Variants in SHROOM3 observed in about 807,000 individuals in gnomAD.
SHROOM3 encodes the protein shroom family member 3.
In SHROOM3, 47 loss-of-function variants were observed where a neutral mutation model predicts 138.6. The observed-to-expected ratio is 0.34, with a 90% CI of 0.27 to 0.43. The LOEUF (loss-of-function observed/expected upper bound fraction) is 0.43. Ranked by LOEUF, SHROOM3 falls within the 20% of genes least tolerant of loss-of-function variation. The pLI is 1.00. For missense variants in SHROOM3, 2,491 were observed against 2,596.5 expected (o/e 0.96, Z 0.88); for synonymous variants, 1,062 against 1,063.3 (o/e 1.00, Z 0.02).
At chr4:76,734,513 C>CT (rs35737209) in intron 4 of SHROOM3, among the ~76,000 whole-genome samples, 34,587 of 137,658 alleles carry the variant, frequency 0.25, 4,691 homozygotes, top group African/African-American at 0.34. Flanking sequence ...TTTAAAAATA[C>CT]TTTTTTTTTT....
chr4:76,757,156 C>A, intron 8 of SHROOM3: 1 of 576,726 alleles, frequency 1.7e-6, no homozygotes, highest in African/African-American at 1.9e-5. Flanking sequence ...ATAATAATTG[C>A]CATTAGTACC....
At chr4:76,608,528 G>GGCATGGCATAGCATAGCATAGCATA in intron 2 of SHROOM3, among the ~76,000 whole-genome samples, 1 of 113,546 alleles carries the variant, frequency 8.8e-6, no homozygotes, top group South Asian at 3.0e-4. Context: ...GGACAGAGAT[G>GGCATGGCATAGCATAGCATAGCATA]GCATAGCATA....
intron 2 of SHROOM3, among the ~76,000 whole-genome samples, chr4:76,614,044 T>G (rs1252614636): frequency 6.6e-6 from 1 of 151,440 alleles, no homozygotes; most frequent in Non-Finnish European, 1.5e-5. Flanking sequence ...TTTGTTTGTT[T>G]GTTTGTTTGT....
At chr4:76,578,822 T>C (rs927134160) in intron 2 of SHROOM3, among the ~76,000 whole-genome samples, 3 of 152,222 alleles carry the variant, frequency 2.0e-5, no homozygotes, top group African/African-American at 7.2e-5. Context: ...GACCCACCCA[T>C]ACCAAATCCA....
intron 2 of SHROOM3, among the ~76,000 whole-genome samples, chr4:76,666,361 A>G (rs534888620): frequency 7.2e-5 from 11 of 152,308 alleles, no homozygotes; most frequent in South Asian, 6.2e-4. Context: ...CTCTACCTCC[A>G]GGTCTCAAAT....
intron 1 of SHROOM3, among the ~76,000 whole-genome samples, chr4:76,555,235 T>C (rs1440931704): frequency 6.6e-6 from 1 of 152,096 alleles, no homozygotes; most frequent in African/African-American, 2.4e-5. Context: ...GCCAAAAAGT[T>C]TGGGGACTGC....
At chr4:76,477,439 C>G (rs988294420) in intron 1 of SHROOM3, among the ~76,000 whole-genome samples, 1 of 152,164 alleles carries the variant, frequency 6.6e-6, no homozygotes, top group African/African-American at 2.4e-5. Context: ...AATCCTCTTT[C>G]TGTTTTTGCC....
At chr4:76,665,647 C>A (rs886224627) in intron 2 of SHROOM3, among the ~76,000 whole-genome samples, 1 of 152,204 alleles carries the variant, frequency 6.6e-6, no homozygotes, top group African/African-American at 2.4e-5. Flanking sequence ...TGATTCCTGG[C>A]ACTTTCATCT....
chr4:76,603,654 A>G (rs2110056367), intron 2 of SHROOM3, among the ~76,000 whole-genome samples: 2 of 151,858 alleles, frequency 1.3e-5, no homozygotes, highest in South Asian at 4.2e-4. Context: ...ACATAGGTAT[A>G]CATGTGCCAT....
In SHROOM3 at chr4:76,774,709, G is replaced by GT. The variant is rs201566335; in HGVS notation, c.5622+3821dup. 2.6e-3 allele frequency among the ~76,000 whole-genome samples: 368 copies of GT among 139,094 alleles called. 1 individual carries two copies. The highest frequency in any genetic ancestry group is 4.2e-3 in the Non-Finnish European group (271 of 65,046). 91.3% of individuals were successfully genotyped at this position (139,094 alleles called of 152,430 possible). ...ATTCAGTCCCTCAGGGTTTTTTGGG[G>GT]TTTTTTTTTTGTTTTTTTTTTTTTT... On this transcript the variant is annotated intron_variant, in intron 10 of 10. Transcript: ENST00000296043.
At chr4:76,439,172 C>A (rs1259413592) in intron 1 of SHROOM3, among the ~76,000 whole-genome samples, 2 of 152,122 alleles carry the variant, frequency 1.3e-5, no homozygotes, top group African/African-American at 4.8e-5. Flanking sequence ...TGCCCACATT[C>A]CCTGGCTCAT....
intron 2 of SHROOM3, among the ~76,000 whole-genome samples, chr4:76,666,109 G>C (rs1188335274): frequency 6.6e-6 from 1 of 152,232 alleles, no homozygotes; most frequent in Admixed American, 6.5e-5. Context: ...TGGGGTTAAA[G>C]TGTTGTTGAC....
At chr4:76,629,009 GT>G (rs1288523853) in intron 2 of SHROOM3, 1 of 152,124 alleles carries the variant, frequency 6.6e-6, no homozygotes, top group Non-Finnish European at 1.5e-5. Context: ...ACCCAGCTAA[GT>G]TTTTTCTGTA....
At chr4:76,571,060 A>G (rs1396757254) in intron 2 of SHROOM3, among the ~76,000 whole-genome samples, 1 of 152,210 alleles carries the variant, frequency 6.6e-6, no homozygotes, top group Admixed American at 6.5e-5. Context: ...TTAGCCTGCT[A>G]TCTTTAAATA....
chr4:76,494,226 A>G (rs1405825967), intron 1 of SHROOM3, among the ~76,000 whole-genome samples: 2 of 150,898 alleles, frequency 1.3e-5, no homozygotes, highest in Non-Finnish European at 2.9e-5. Context: ...CAAATTTCTG[A>G]AATTCTTTTC....
chr4:76,589,606 G>C (rs1325345247), intron 2 of SHROOM3, among the ~76,000 whole-genome samples: 1 of 152,198 alleles, frequency 6.6e-6, no homozygotes, highest in Non-Finnish European at 1.5e-5. Context: ...AGCTATGGCT[G>C]CTCAGAAACA....
At chr4:76,513,779 T>C (rs922487412) in intron 1 of SHROOM3, among the ~76,000 whole-genome samples, 5 of 152,234 alleles carry the variant, frequency 3.3e-5, no homozygotes, top group African/African-American at 1.2e-4. Flanking sequence ...TGGCAGGCAC[T>C]GAGAAAATTC....
At chr4:76,454,511 A>G (rs1042222948) in intron 1 of SHROOM3, among the ~76,000 whole-genome samples, 1 of 152,102 alleles carries the variant, frequency 6.6e-6, no homozygotes, top group African/African-American at 2.4e-5. Context: ...ATTCTATTGT[A>G]TTGGTCTAAA....
chr4:76,721,241 G>A (rs1356592332), intron 3 of SHROOM3, among the ~76,000 whole-genome samples: 1 of 151,414 alleles, frequency 6.6e-6, no homozygotes, highest in East Asian at 2.0e-4. Flanking sequence ...AACCCGGGAG[G>A]CGGAGCTTGC....
Sources: gnomAD v4.1 joint callset for allele counts (sites outside exome capture counted in the v4.1 genomes callset) on GRCh38, gnomAD v4.1.1 for gene constraint, MANE v1.5 for transcripts, NCBI Gene and HGNC (gene_info 2026-07-23, HGNC 2026-07-21) for gene names.